The following STXBP5L variants were observed in gnomAD, a reference collection of about 807,000 sequenced individuals.
STXBP5L encodes the protein syntaxin-binding protein 5-like.
STXBP5L carries 65 observed loss-of-function variants against 144.5 expected under a neutral mutation model. That is an observed-to-expected ratio of 0.45 (90% CI 0.37 to 0.55). The LOEUF is 0.55. STXBP5L is among the 20% of genes least tolerant of loss of function. The pLI, the probability that STXBP5L is intolerant of heterozygous loss-of-function variation, is 0.00. For synonymous variants in STXBP5L, 505 were observed against 469.6 expected (o/e 1.08, Z -0.97); for missense variants, 1,298 against 1,405.5 (o/e 0.92, Z 1.22).
intron 19 of STXBP5L, among the ~76,000 whole-genome samples, chr3:121,313,765 T>C (rs1315688206): frequency 2.5e-5 from 3 of 118,948 alleles, no homozygotes; most frequent in African/African-American, 3.2e-5. Context: ...CCGGACGGGG[T>C]GGCTGCCGGG....
chr3:121,106,561 C>T (rs929019313), intron 5 of STXBP5L, among the ~76,000 whole-genome samples: 1 of 152,094 alleles, frequency 6.6e-6, no homozygotes, highest in Non-Finnish European at 1.5e-5. Flanking sequence ...CTTGTCCCTG[C>T]AAAGATCATG....
chr3:121,316,170 G>A (rs760403340), intron 19 of STXBP5L, among the ~76,000 whole-genome samples: 13 of 152,186 alleles, frequency 8.5e-5, no homozygotes, highest in Non-Finnish European at 1.6e-4. Context: ...TAACTATATA[G>A]TATTTAATGA....
At chr3:120,976,652 G>T (rs916311599) in intron 3 of STXBP5L, among the ~76,000 whole-genome samples, 33 of 152,056 alleles carry the variant, frequency 2.2e-4, no homozygotes, top group Non-Finnish European at 3.7e-4. Flanking sequence ...GTCAATTTTG[G>T]ATCTTTCCTG....
intron 20 of STXBP5L, among the ~76,000 whole-genome samples, chr3:121,329,066 A>T (rs2044242155): frequency 6.6e-6 from 1 of 152,060 alleles, no homozygotes; most frequent in African/African-American, 2.4e-5. Flanking sequence ...TTATATATAT[A>T]ATGTACATTT....
intron 3 of STXBP5L, among the ~76,000 whole-genome samples, chr3:121,040,795 A>T (rs562113739): frequency 6.6e-6 from 1 of 152,064 alleles, no homozygotes; most frequent in African/African-American, 2.4e-5. Flanking sequence ...CTCGCCTTAT[A>T]TATTTTCTCT....
intron 20 of STXBP5L, among the ~76,000 whole-genome samples, chr3:121,376,272 C>A (rs1289546188): frequency 6.6e-6 from 1 of 152,200 alleles, no homozygotes; most frequent in African/African-American, 2.4e-5. Context: ...TGATTCCAGG[C>A]AGTCTAGCCT....
chr3:121,348,019 C>A (rs2045078800), intron 20 of STXBP5L, among the ~76,000 whole-genome samples: 1 of 152,188 alleles, frequency 6.6e-6, no homozygotes, highest in Middle Eastern at 3.2e-3. Flanking sequence ...TGAGAGAGGG[C>A]ATCCCTGTCT....
At chr3:121,340,044 GA>G (rs1255863359) in intron 20 of STXBP5L, among the ~76,000 whole-genome samples, 5 of 151,732 alleles carry the variant, frequency 3.3e-5, no homozygotes, top group African/African-American at 7.2e-5. Context: ...CACAAAATTA[GA>G]AAAAAAATCC....
At chr3:121,361,426 T>C (rs2045709444) in intron 20 of STXBP5L, among the ~76,000 whole-genome samples, 1 of 152,178 alleles carries the variant, frequency 6.6e-6, no homozygotes, top group South Asian at 2.1e-4. Flanking sequence ...ATTTCTTAGG[T>C]TTGCCCTTTT....
intron 22 of STXBP5L, among the ~76,000 whole-genome samples, chr3:121,382,231 C>A (rs1318215030): frequency 6.6e-6 from 1 of 151,826 alleles, no homozygotes; most frequent in Non-Finnish European, 1.5e-5. Context: ...CAAAAAATTT[C>A]ATTACTCTGC....
intron 5 of STXBP5L, among the ~76,000 whole-genome samples, chr3:121,108,011 G>T (rs765571268): frequency 1.3e-5 from 2 of 152,056 alleles, no homozygotes; most frequent in Non-Finnish European, 2.9e-5. Flanking sequence ...TTGGCTCTCT[G>T]CTTGTCTGTT....
intron 7 of STXBP5L, among the ~76,000 whole-genome samples, chr3:121,141,579 A>G (rs938527253): frequency 2.0e-5 from 3 of 152,210 alleles, no homozygotes; most frequent in South Asian, 4.1e-4. Context: ...ACTGAAAATT[A>G]TGTTAGAAGA....
chr3:121,001,413 G>C (rs1428916798), intron 3 of STXBP5L, among the ~76,000 whole-genome samples: 1 of 152,208 alleles, frequency 6.6e-6, no homozygotes, highest in Non-Finnish European at 1.5e-5. Context: ...CGATAGCTCT[G>C]TTCTGTGCAA....
At chr3:121,379,573 C>T (rs1005931666) in intron 21 of STXBP5L, among the ~76,000 whole-genome samples, 2 of 152,034 alleles carry the variant, frequency 1.3e-5, no homozygotes, top group African/African-American at 2.4e-5. Context: ...ATTTACTACT[C>T]CTGAAAACTT....
chr3:121,325,145 A>T (rs1000050340), intron 20 of STXBP5L, among the ~76,000 whole-genome samples: 4 of 152,000 alleles, frequency 2.6e-5, no homozygotes, highest in African/African-American at 7.2e-5. Flanking sequence ...TTAAAAAGAA[A>T]AAAAACACTC....
At chr3:121,371,647 G>T (rs145244754) in intron 20 of STXBP5L, among the ~76,000 whole-genome samples, 221 of 152,316 alleles carry the variant, frequency 1.5e-3, no homozygotes, top group Non-Finnish European at 2.5e-3. Context: ...TGGACCAGGG[G>T]CCCCTGTAGG....
At chr3:120,991,997 A>G (rs1942936507) in intron 3 of STXBP5L, among the ~76,000 whole-genome samples, 1 of 152,178 alleles carries the variant, frequency 6.6e-6, no homozygotes, top group Admixed American at 6.5e-5. Context: ...GCTTTTTAAA[A>G]AAATTAATAT....
chr3:121,200,634 C>T (rs1191048205), intron 9 of STXBP5L, among the ~76,000 whole-genome samples: 3 of 152,150 alleles, frequency 2.0e-5, no homozygotes, highest in Non-Finnish European at 2.9e-5. Context: ...AAATTCTGCT[C>T]TTAACACTGA....
At chr3:121,281,751 G>A (rs2108443209) in intron 19 of STXBP5L, among the ~76,000 whole-genome samples, 1 of 151,998 alleles carries the variant, frequency 6.6e-6, no homozygotes, top group South Asian at 2.1e-4. Context: ...GAAAATCTGT[G>A]AAGTTATAAA....
Sources: allele counts gnomAD v4.1 joint callset (sites outside exome capture counted in the v4.1 genomes callset), GRCh38; gene constraint gnomAD v4.1.1; transcripts MANE v1.5; gene names NCBI Gene and HGNC (gene_info 2026-07-23, HGNC 2026-07-21).